ROR1: variants seen among roughly 807,000 people sequenced by gnomAD.
ROR1 encodes the protein ROR family WNT receptor 1.
ROR1 carries 19 observed loss-of-function variants against 78.8 expected under a neutral mutation model. That is an observed-to-expected ratio of 0.24 (90% CI 0.17 to 0.35). The LOEUF (loss-of-function observed/expected upper bound fraction) is 0.35, where lower values mean the gene tolerates loss of function less well. Among genes scored for constraint, ROR1 ranks in the 10% least tolerant of loss-of-function variants. The pLI, the probability that ROR1 is intolerant of heterozygous loss-of-function variation, is 1.00. For synonymous variants in ROR1, 386 were observed against 433.6 expected, an observed-to-expected ratio of 0.89 and a Z score of 1.36; for missense variants, 917 against 1,177.8, an observed-to-expected ratio of 0.78 and a Z score of 3.24.
At chr1:64,053,965 A>ATTT (rs1460407003) in intron 4 of ROR1, among the ~76,000 whole-genome samples, 4 of 151,714 alleles carry the variant, frequency 2.6e-5, no homozygotes, top group Admixed American at 6.6e-5. Flanking sequence ...ATTTTATTTT[A>ATTT]TTTTGAAACA....
At chr1:64,051,966 C>T (rs1646836642) in intron 4 of ROR1, among the ~76,000 whole-genome samples, 1 of 152,230 alleles carries the variant, frequency 6.6e-6, no homozygotes. Context: ...CAGTGGCCCA[C>T]AATCCCATTA....
chr1:63,990,491 A>T (rs896312390), intron 1 of ROR1, among the ~76,000 whole-genome samples: 1 of 52,150 alleles, frequency 1.9e-5, no homozygotes, highest in African/African-American at 4.9e-5. Context: ...AGTTGAAAGA[A>T]TTCTGGATTT....
intron 1 of ROR1, among the ~76,000 whole-genome samples, chr1:63,992,392 G>A (rs1646303486): frequency 6.6e-6 from 1 of 152,000 alleles, no homozygotes; most frequent in African/African-American, 2.4e-5. Flanking sequence ...ATTTTTGGTA[G>A]GGATGAGGTT....
At chr1:64,061,811 A>G (rs570635773) in intron 4 of ROR1, among the ~76,000 whole-genome samples, 2 of 152,152 alleles carry the variant, frequency 1.3e-5, no homozygotes, top group Admixed American at 6.5e-5. Context: ...TTTTTTTTCT[A>G]TCTACATTTG....
intron 1 of ROR1, among the ~76,000 whole-genome samples, chr1:63,926,732 G>A (rs1240897587): frequency 1.3e-3 from 144 of 109,946 alleles, no homozygotes; most frequent in African/African-American, 4.3e-3. Flanking sequence ...CACATCCCTT[G>A]TAAGTTGGAT....
chr1:64,117,256 T>C (rs781350771), intron 4 of ROR1, among the ~76,000 whole-genome samples: 3 of 152,168 alleles, frequency 2.0e-5, no homozygotes, highest in Non-Finnish European at 4.4e-5. Context: ...AAATAAAGCC[T>C]ATTTGATCTC....
At chr1:63,936,049 A>G (rs529849514) in intron 1 of ROR1, among the ~76,000 whole-genome samples, 1 of 152,326 alleles carries the variant, frequency 6.6e-6, no homozygotes, top group South Asian at 2.1e-4. Context: ...GGGAAAGTCC[A>G]TTTAAGTACA....
At chr1:63,964,923 G>A (rs955079410) in intron 1 of ROR1, among the ~76,000 whole-genome samples, 4 of 152,150 alleles carry the variant, frequency 2.6e-5, no homozygotes, top group Admixed American at 6.5e-5. Flanking sequence ...AAGATGCTTC[G>A]CAGTTGAAAA....
At chr1:64,166,040 G>A (rs1395014077) in intron 8 of ROR1, among the ~76,000 whole-genome samples, 1 of 152,058 alleles carries the variant, frequency 6.6e-6, no homozygotes, top group East Asian at 1.9e-4. Context: ...ATTAATTTTT[G>A]TACATAGTAT....
chr1:64,042,001 T>G (rs1178665375), intron 2 of ROR1, among the ~76,000 whole-genome samples: 1 of 152,180 alleles, frequency 6.6e-6, no homozygotes, highest in Non-Finnish European at 1.5e-5. Context: ...GGCAACACAC[T>G]TAATGTCTCA....
At chr1:64,177,351 C>T (rs1473174910) in intron 8 of ROR1, 77 bp from the exon 9 acceptor site, 1 of 1,053,988 alleles carries the variant, frequency 9.5e-7, no homozygotes, top group Non-Finnish European at 1.4e-6. Context: ...TCTATATGCC[C>T]CGTCCCTCCT....
chr1:63,946,680 G>A (rs1029769438), intron 1 of ROR1, among the ~76,000 whole-genome samples: 2 of 152,184 alleles, frequency 1.3e-5, no homozygotes, highest in Non-Finnish European at 2.9e-5. Flanking sequence ...AGGGTCAGAG[G>A]TAGGATTTGA....
At chr1:63,975,949 T>C (rs1296141173) in intron 1 of ROR1, among the ~76,000 whole-genome samples, 1 of 152,176 alleles carries the variant, frequency 6.6e-6, no homozygotes, top group Non-Finnish European at 1.5e-5. Context: ...ATTCATTCAT[T>C]TGGAAAGTAT....
At chr1:63,821,590 G>T (rs1259210828) in intron 1 of ROR1, among the ~76,000 whole-genome samples, 1 of 152,188 alleles carries the variant, frequency 6.6e-6, no homozygotes, top group African/African-American at 2.4e-5. Context: ...TCTGTCTTCT[G>T]AAATTGAGTG....
In ROR1 at chr1:63,817,110, T is replaced by A. The variant is rs183516700; in HGVS notation, c.91+42602T>A. 7.7e-4 allele frequency among the ~76,000 whole-genome samples: 118 copies of A among 152,342 alleles called. 1 individual carries two copies. The highest frequency in any genetic ancestry group is 5.7e-4 in the Non-Finnish European group (39 of 68,030). ...TTATAGGATGCCTTCTAAATATGTA[T>A]TTTATAACACAGTGGGTAGAATGTG... On this transcript the variant is annotated intron_variant, in intron 1 of 8. Coordinates refer to ENST00000371079, the MANE Select transcript of ROR1 (RefSeq NM_005012.4).
chr1:64,154,799 C>T (rs954935332), intron 7 of ROR1, among the ~76,000 whole-genome samples: 2 of 152,170 alleles, frequency 1.3e-5, no homozygotes, highest in African/African-American at 4.8e-5. Flanking sequence ...CACTTTTAAA[C>T]AGTTATTCCA....
intron 1 of ROR1, among the ~76,000 whole-genome samples, chr1:63,893,607 A>G (rs1645416637): frequency 6.6e-6 from 1 of 152,120 alleles, no homozygotes; most frequent in Non-Finnish European, 1.5e-5. Context: ...GGGCGTGGAC[A>G]TATGGACTCT....
intron 1 of ROR1, among the ~76,000 whole-genome samples, chr1:63,936,735 C>T (rs1645797280): frequency 6.6e-6 from 1 of 152,182 alleles, no homozygotes. Flanking sequence ...TGATGTTACC[C>T]TTCTGAGCAC....
intron 3 of ROR1, 111 bp downstream of exon 3, chr1:64,050,089 C>G (rs979784593): frequency 2.2e-5 from 27 of 1,227,402 alleles, no homozygotes; most frequent in African/African-American, 3.0e-5. Flanking sequence ...AGAATGTACT[C>G]TGTGCCCACA....
Sources: allele counts gnomAD v4.1 joint callset (sites outside exome capture counted in the v4.1 genomes callset), GRCh38; gene constraint gnomAD v4.1.1; transcripts MANE v1.5; gene names NCBI Gene and HGNC (gene_info 2026-07-23, HGNC 2026-07-21).